The following TENM3 variants were observed in gnomAD, a reference collection of about 807,000 sequenced individuals.
TENM3 encodes the protein teneurin-3.
A neutral mutation model predicts 255.1 loss-of-function variants in TENM3; 63 were observed. The ratio of observed to expected loss-of-function variants is 0.25; its 90% CI spans 0.20 to 0.30. TENM3 has a LOEUF of 0.30. Among genes scored for constraint, TENM3 ranks in the 10% least tolerant of loss-of-function variants. The pLI, the probability that TENM3 is intolerant of heterozygous loss-of-function variation, is 1.00. For missense variants in TENM3, 2,929 were observed against 3,461.1 expected (o/e 0.85, Z 3.86); for synonymous variants, 1,306 against 1,322.3 (o/e 0.99, Z 0.27).
At chr4:181,923,202 A>G in the TENM3 span, among the ~76,000 whole-genome samples, 3 of 152,026 alleles carry the variant, frequency 2.0e-5, no homozygotes, top group Non-Finnish European at 4.4e-5. Context: ...TGAAAAAAAT[A>G]TATATTCTGT....
chr4:181,727,856 G>A, the TENM3 span, among the ~76,000 whole-genome samples: 2,810 of 152,192 alleles, frequency 0.018, 84 homozygotes, highest in African/African-American at 0.063. Flanking sequence ...CTGACTCTCC[G>A]ATTTGACAGC....
chr4:182,040,463 G>C, the TENM3 span, among the ~76,000 whole-genome samples: 2 of 152,054 alleles, frequency 1.3e-5, no homozygotes, highest in Non-Finnish European at 2.9e-5. Context: ...TTATTTCTCA[G>C]TTAGTGGCTT....
chr4:182,730,760 TATA>T (rs1450596185), intron 15 of TENM3, 115 bp from the exon 16 acceptor site: 1 of 1,081,176 alleles, frequency 9.2e-7, no homozygotes, highest in Non-Finnish European at 1.3e-6. Flanking sequence ...AAATATTTCA[TATA>T]AAAGTTGGGA....
the TENM3 span, among the ~76,000 whole-genome samples, chr4:181,570,788 C>A: frequency 6.6e-6 from 1 of 152,044 alleles, no homozygotes; most frequent in Non-Finnish European, 1.5e-5. Context: ...ACACAAGACA[C>A]AATTCGATCT....
rs1200676649 is a variant in TENM3 at position 182,754,154 on chromosome 4, C to CTGTA, written c.4018-230_4018-227dup. ...ACGTAGAGGCCTATTTGCTATTTGC[C>CTGTA]TGTAACTAGCAAATCTTTCTGTGAG... is the stretch of plus-strand genomic sequence containing the variant. On this transcript the variant is annotated intron_variant, in intron 21 of 27. Transcript: ENST00000511685. The surrounding 1 kb of genome is among the most constrained non-coding windows in gnomAD (Gnocchi z 5.1). Among the ~76,000 whole-genome samples the CTGTA allele has an allele frequency of 6.6e-6, 1 of 152,176 alleles. No homozygotes were observed. The highest frequency in any genetic ancestry group is 2.4e-5 in the African/African-American group (1 of 41,450).
intron 3 of TENM3, among the ~76,000 whole-genome samples, chr4:182,473,446 G>T (rs569442356): frequency 6.6e-6 from 1 of 152,274 alleles, no homozygotes; most frequent in South Asian, 2.1e-4. Flanking sequence ...GGCCAAGGCG[G>T]GTGGATCACG....
intron 3 of TENM3, among the ~76,000 whole-genome samples, chr4:182,356,501 G>A (rs1399535469): frequency 6.6e-6 from 1 of 152,098 alleles, no homozygotes; most frequent in East Asian, 1.9e-4. Context: ...GGGATCCAGG[G>A]ATGGAGGTAC....
the TENM3 span, among the ~76,000 whole-genome samples, chr4:182,020,446 G>T: frequency 6.6e-6 from 1 of 152,042 alleles, no homozygotes. Context: ...GGATAAAAAA[G>T]TTACAACTAG....
intron 3 of TENM3, among the ~76,000 whole-genome samples, chr4:182,436,847 A>G (rs1333583435): frequency 1.3e-5 from 2 of 151,892 alleles, no homozygotes; most frequent in African/African-American, 4.8e-5. Flanking sequence ...GTGAAACCCC[A>G]TCTCTACTAA....
chr4:182,103,271 C>T, the TENM3 span, among the ~76,000 whole-genome samples: 1 of 152,186 alleles, frequency 6.6e-6, no homozygotes, highest in Admixed American at 6.5e-5. Context: ...AATTAAGATA[C>T]ACTTTTAATA....
the TENM3 span, among the ~76,000 whole-genome samples, chr4:181,658,483 C>T: frequency 0.08 from 12,140 of 152,172 alleles, 544 homozygotes; most frequent in Middle Eastern, 0.2. Context: ...GGAAAAGCCC[C>T]GCTGGACTCT....
the TENM3 span, among the ~76,000 whole-genome samples, chr4:181,615,067 T>C: frequency 6.6e-6 from 1 of 152,162 alleles, no homozygotes; most frequent in Non-Finnish European, 1.5e-5. Flanking sequence ...ATGTCTAGGT[T>C]CCCAGGCTGA....
chr4:182,800,611 A>C lies in TENM3; in HGVS notation c.*260A>C. On this transcript the variant is annotated 3_prime_UTR_variant, in exon 28 of 28. Transcript: ENST00000511685. ...GTAGCCAGAGGAAAAAAAAATCATC[A>C]AGGACAAAGGCCTCGACCTGTTGCG... is the stretch of plus-strand genomic sequence containing the variant. The C allele has an allele frequency of 2.7e-6, 1 of 376,152 alleles. No individual in the cohort carries two copies. The allele number at this position is 376,152 out of a possible 1,614,324, so 23.3% of individuals were successfully genotyped here.
chr4:181,981,755 A>T, the TENM3 span, among the ~76,000 whole-genome samples: 1 of 152,168 alleles, frequency 6.6e-6, no homozygotes, highest in Non-Finnish European at 1.5e-5. Flanking sequence ...AAGTGGAAAA[A>T]GTCACAAGAG....
the TENM3 span, among the ~76,000 whole-genome samples, chr4:181,536,793 C>T: frequency 1.3e-5 from 2 of 152,142 alleles, no homozygotes; most frequent in Non-Finnish European, 1.5e-5. Context: ...TAAAGCATAG[C>T]TTTGCATGGT....
chr4:182,043,179 C>T, the TENM3 span, among the ~76,000 whole-genome samples: 9 of 151,998 alleles, frequency 5.9e-5, no homozygotes, highest in Non-Finnish European at 1.3e-4. Flanking sequence ...TTCTTACATG[C>T]CCAGTGAGTA....
the TENM3 span, among the ~76,000 whole-genome samples, chr4:181,842,574 T>C: frequency 6.6e-6 from 1 of 152,200 alleles, no homozygotes; most frequent in Non-Finnish European, 1.5e-5. Flanking sequence ...TGAAGCTCAG[T>C]AGCAGCAAAT....
chr4:181,719,706 G>A, the TENM3 span, among the ~76,000 whole-genome samples: 1 of 152,170 alleles, frequency 6.6e-6, no homozygotes, highest in African/African-American at 2.4e-5. Flanking sequence ...CAAACATTCA[G>A]CCAGGGGGAG....
At chr4:182,185,641 T>C (rs1055069032) in intron 1 of TENM3, among the ~76,000 whole-genome samples, 2 of 152,224 alleles carry the variant, frequency 1.3e-5, no homozygotes, top group Non-Finnish European at 2.9e-5. Context: ...TCAAGCCTCC[T>C]GCTCTTCAAA....
Sources: allele counts gnomAD v4.1 joint callset (sites outside exome capture counted in the v4.1 genomes callset), GRCh38; gene constraint gnomAD v4.1.1; non-coding constraint Gnocchi (gnomAD v3.1); transcripts MANE v1.5; gene names NCBI Gene and HGNC (gene_info 2026-07-23, HGNC 2026-07-21).